TRIOBP: variants seen among roughly 807,000 people sequenced by gnomAD.
TRIOBP encodes the protein TRIO and F-actin-binding protein.
TRIOBP carries 169 observed loss-of-function variants against 238.8 expected under a neutral mutation model. The observed-to-expected ratio is 0.71, with a 90% CI of 0.62 to 0.80. The LOEUF is 0.80. Among genes scored for constraint, TRIOBP ranks in the 30% least tolerant of loss-of-function variants. The probability of loss-of-function intolerance (pLI) is 0.00; values close to 1 mark genes in which losing one functional copy is unlikely to be tolerated. For synonymous variants in TRIOBP, 1,150 were observed against 1,274.4 expected (o/e 0.90, Z 2.08); for missense variants, 2,838 against 3,122.6 (o/e 0.91, Z 2.17).
chr22:37,700,840 T>C (rs906393257), intron 2 of TRIOBP, among the ~76,000 whole-genome samples: 2 of 152,130 alleles, frequency 1.3e-5, no homozygotes, highest in Non-Finnish European at 2.9e-5. Context: ...TACAGGCACG[T>C]GCCATCACAC....
intron 7 of TRIOBP, among the ~76,000 whole-genome samples, chr22:37,727,600 G>A (rs1220334806): frequency 6.6e-6 from 1 of 151,974 alleles, no homozygotes; most frequent in South Asian, 2.1e-4. Context: ...CCTGGGAGGC[G>A]GAGCTTGCAG....
At chr22:37,746,455 CG>C in intron 11 of TRIOBP, 1 of 1,418,668 alleles carries the variant, frequency 7.0e-7, no homozygotes, top group Non-Finnish European at 9.3e-7. Context: ...CGCCCGAGGC[CG>C]GGAGAAGGGC....
At chr22:37,718,605 C>T (rs978491564) in intron 6 of TRIOBP, among the ~76,000 whole-genome samples, 1 of 152,132 alleles carries the variant, frequency 6.6e-6, no homozygotes, top group Non-Finnish European at 1.5e-5. Flanking sequence ...CCTTCTAAAT[C>T]GTCCTGCTGA....
Position 37,773,914 on chromosome 22 carries a change from AC to A in TRIOBP, c.*135del, listed in dbSNP as rs1926907022. ...GTGCACTTGCACCCACCACACACACACACACACACACACACACACACACAGA... is the reference window on the plus strand; with the variant it reads ...GTGCACTTGCACCCACCACACACACAACACACACACACACACACACACAGA... On this transcript the variant is annotated 3_prime_UTR_variant, in exon 24 of 24. Transcript: ENST00000644935. The A allele has an allele frequency of 3.0e-5, 4 of 134,954 alleles. No individual in the cohort carries two copies. The highest frequency in any genetic ancestry group is 1.5e-4 in the African/African-American group (4 of 27,052). 8.4% of individuals were successfully genotyped at this position (134,954 alleles called of 1,614,324 possible).
intron 3 of TRIOBP, among the ~76,000 whole-genome samples, chr22:37,708,991 GTCTC>G (rs1216766533): frequency 6.6e-6 from 1 of 152,214 alleles, no homozygotes; most frequent in African/African-American, 2.4e-5. Flanking sequence ...TGCCTGGCAA[GTCTC>G]TCCTCATTTC....
At position 37,724,481 on chromosome 22, in the gene TRIOBP, C is replaced by G; in HGVS notation, c.1925C>G (p.Thr642Ser). 2.5e-6 allele frequency: 4 copies of G among 1,612,270 alleles called. No individual in the cohort carries two copies. The highest frequency in any genetic ancestry group is 1.7e-4 in the Middle Eastern group (1 of 6,048). ...DNPRASSPNRTTQQDSPRTSC... is the reference protein window; with the variant it reads ...DNPRASSPNRSTQQDSPRTSC... ...CCCAGAGCCTCCTCTCCCAACAGAA[C>G]CACCCAACAAGACAGCCCCAGAACA... The change falls in exon 7 of 24, where the codon ACC (threonine) becomes AGC (serine). Residue 642 changes from threonine (T) to serine (S), a missense_variant. Transcript: ENST00000644935.
chr22:37,755,444 C>T (rs1925867160), intron 14 of TRIOBP, 106 bp from the exon 15 acceptor site: 5 of 1,091,364 alleles, frequency 4.6e-6, no homozygotes, highest in Non-Finnish European at 6.9e-6. Context: ...GACTCAAGAC[C>T]TTAGATGCAT....
intron 3 of TRIOBP, among the ~76,000 whole-genome samples, chr22:37,707,486 G>C (rs1923005090): frequency 6.6e-6 from 1 of 151,962 alleles, no homozygotes; most frequent in Non-Finnish European, 1.5e-5. Flanking sequence ...GGCTGACTCT[G>C]TCTGCCTCAC....
chr22:37,700,778 G>A (rs867607154), intron 2 of TRIOBP, among the ~76,000 whole-genome samples: 2 of 152,096 alleles, frequency 1.3e-5, no homozygotes, highest in African/African-American at 2.4e-5. Context: ...TGCAACCTCC[G>A]CCTCCTGGGT....
chr22:37,737,778 T>C (rs1924745263), intron 9 of TRIOBP, among the ~76,000 whole-genome samples: 1 of 152,078 alleles, frequency 6.6e-6, no homozygotes, highest in Non-Finnish European at 1.5e-5. Flanking sequence ...CACATATCCC[T>C]GCCTTTGCAC....
At position 37,701,462 on chromosome 22, in the gene TRIOBP, C is replaced by T; in HGVS notation, c.97C>T (p.His33Tyr). The T allele has an allele frequency of 6.2e-7, 1 of 1,612,456 alleles. No homozygotes were observed. Among genetic ancestry groups the T allele is most frequent in the Non-Finnish European group, 8.5e-7 (1 of 1,179,448 alleles). Reference sequence around the variant, plus strand: ...AAACTGCTTCCACCCTGAGGAGGCCCATGGAGCAAGATACCAGGTGGGCCA... The same window carrying T: ...AAACTGCTTCCACCCTGAGGAGGCCTATGGAGCAAGATACCAGGTGGGCCA... ...CQNCFHPEEA[H>Y]GARYQELRSP... Residue 33 changes from histidine (H) to tyrosine (Y), a missense_variant, in exon 3 of 24, where the codon CAT (histidine) becomes TAT (tyrosine). His to Tyr is a moderately conservative substitution (Grantham distance 83, BLOSUM62 2). This residue lies in a region of TRIOBP where 535 missense variants were observed against 537.3 expected (regional missense o/e 1.00). Transcript: ENST00000644935.
chr22:37,720,534 T>TA (rs901983231), intron 6 of TRIOBP, among the ~76,000 whole-genome samples: 1 of 152,058 alleles, frequency 6.6e-6, no homozygotes, highest in African/African-American at 2.4e-5. Flanking sequence ...CCTTTGACTT[T>TA]AAAAAAAGTC....
intron 7 of TRIOBP, among the ~76,000 whole-genome samples, chr22:37,728,485 C>G (rs1298200116): frequency 6.6e-6 from 1 of 152,078 alleles, no homozygotes; most frequent in African/African-American, 2.4e-5. Flanking sequence ...ATTTCCTTTT[C>G]CAGTAAGCTT....
At chr22:37,726,673 GTT>G (rs1336141254) in intron 7 of TRIOBP, 170 bp downstream of exon 7, 10 of 702,832 alleles carry the variant, frequency 1.4e-5, no homozygotes, top group Non-Finnish European at 2.0e-5. Context: ...CATATTGGGA[GTT>G]TTCTGTTTTG....
At chr22:37,727,633 A>G (rs1431384268) in intron 7 of TRIOBP, among the ~76,000 whole-genome samples, 1 of 152,150 alleles carries the variant, frequency 6.6e-6, no homozygotes, top group Non-Finnish European at 1.5e-5. Context: ...GTACCACTGC[A>G]CTCCAACCTG....
At position 37,726,124 on chromosome 22, in the gene TRIOBP, G is replaced by A; in HGVS notation, c.3568G>A (p.Asp1190Asn). 6.4e-7 allele frequency: 1 copy of A among 1,552,618 alleles called. No individual in the cohort carries two copies. ...TCCTGAGCCATCCCTCTTCTTCCAG[G>A]ATCCCCCTGGAACTAGTATGGAGAG... ...QAPEPSLFFQ[D>N]PPGTSMESLA... The change falls in exon 7 of 24, where the codon GAT (aspartate) becomes AAT (asparagine). Residue 1190 changes from aspartate (D) to asparagine (N), a missense_variant. By Grantham distance (23) the Asp-to-Asn change is conservative (BLOSUM62 1). This residue lies in a region of TRIOBP where 2,096 missense variants were observed against 2,137.4 expected (regional missense o/e 0.98). Coordinates refer to ENST00000644935, the MANE Select transcript of TRIOBP (RefSeq NM_001039141.3).
rs748722151 is a variant in TRIOBP at position 37,755,087 on chromosome 22, C to T, written c.5488-14C>T. The T allele has an allele frequency of 3.2e-5, 51 of 1,612,048 alleles. No homozygotes were observed. Among genetic ancestry groups the T allele is most frequent in the Non-Finnish European group, 4.2e-5 (49 of 1,179,238 alleles). ...CAGGGCCCACACGGACCATAGTGGG[C>T]CCTCTTGCTCCAGGCAGATGAGCTG... On this transcript the variant is annotated splice_polypyrimidine_tract_variant and intron_variant, in intron 13 of 23. Transcript: ENST00000644935.
At chr22:37,765,923 CA>C in intron 18 of TRIOBP, 106 bp downstream of exon 18, 5 of 1,402,374 alleles carry the variant, frequency 3.6e-6, no homozygotes, top group Non-Finnish European at 4.7e-6. Flanking sequence ...GTAGGGGTCT[CA>C]GTGCCACATT....
intron 9 of TRIOBP, among the ~76,000 whole-genome samples, chr22:37,736,639 C>G (rs1924684108): frequency 6.6e-6 from 1 of 152,134 alleles, no homozygotes; most frequent in Non-Finnish European, 1.5e-5. Flanking sequence ...TATTTATTTA[C>G]TTATTGAGAC....
Sources: allele counts gnomAD v4.1 joint callset (sites outside exome capture counted in the v4.1 genomes callset), GRCh38; gene constraint gnomAD v4.1.1; regional missense constraint gnomAD v4.1.1; transcripts MANE v1.5; gene names NCBI Gene and HGNC (gene_info 2026-07-23, HGNC 2026-07-21).